The following HNRNPK variants were observed in gnomAD, a reference collection of about 807,000 sequenced individuals.
HNRNPK encodes dC-stretch binding protein.
In HNRNPK, 7 loss-of-function variants were observed where a neutral mutation model predicts 67.0. The observed-to-expected ratio is 0.10, with a 90% CI of 0.06 to 0.20. The LOEUF is 0.20. Among genes scored for constraint, HNRNPK ranks in the 10% least tolerant of loss-of-function variants. The pLI, the probability that HNRNPK is intolerant of heterozygous loss-of-function variation, is 1.00. For missense variants in HNRNPK, 264 were observed against 606.5 expected, an observed-to-expected ratio of 0.44 and a Z score of 5.93; for synonymous variants, 213 against 193.7, an observed-to-expected ratio of 1.10 and a Z score of -0.83.
rs985307814 is a variant in HNRNPK, at chr9:83,970,455, C to T, written c.1192-124G>A. The T allele has an allele frequency of 1.3e-5, 10 of 764,496 alleles. No homozygotes were observed. In the African/African-American group the frequency reaches 1.6e-4, roughly 12 times the overall value. The allele number at this position is 764,496 out of a possible 1,614,324, so 47.4% of individuals were successfully genotyped here. On this transcript the variant is annotated intron_variant, in intron 15 of 16. Transcript: ENST00000376263. ...AATCTTAACTGATGATCTAACGCTCCCTAAACCTGTCAAGGTTTGAGTTAT... is the reference window on the plus strand; with the variant it reads ...AATCTTAACTGATGATCTAACGCTCTCTAAACCTGTCAAGGTTTGAGTTAT...
At chr9:83,975,185 G>A (rs1050201450) in intron 6 of HNRNPK, among the ~76,000 whole-genome samples, 5 of 152,154 alleles carry the variant, frequency 3.3e-5, no homozygotes, top group African/African-American at 9.7e-5. Flanking sequence ...AAGACAGAGC[G>A]AGAGACTATT....
intron 3 of HNRNPK, 55 bp from the exon 4 acceptor site, chr9:83,977,841 C>A: frequency 9.1e-7 from 1 of 1,095,384 alleles, no homozygotes; most frequent in Admixed American, 1.8e-5. Flanking sequence ...CAAAGTAACT[C>A]CATTCTGTTT....
At chr9:83,977,305 T>C (rs1957113866) in intron 4 of HNRNPK, among the ~76,000 whole-genome samples, 1 of 152,160 alleles carries the variant, frequency 6.6e-6, no homozygotes, top group African/African-American at 2.4e-5. Flanking sequence ...TAAGCACAGA[T>C]TTTATAGCAC....
Position 83,974,736 on chromosome 9 carries a change from T to C in HNRNPK, c.258-147A>G, listed in dbSNP as rs918071479. 10 of 603,318 alleles carry C rather than the reference T, an allele frequency of 1.7e-5. No individual in the cohort carries two copies. The South Asian group carries it at 2.1e-4, about 13-fold the overall frequency. 37.4% of individuals were successfully genotyped at this position (603,318 alleles called of 1,614,324 possible). ...CCATTTAAAGTAGCCTATTTATAGATTTCTCACATGCATTTTGTTTTATAC... is the reference window on the plus strand; with the variant it reads ...CCATTTAAAGTAGCCTATTTATAGACTTCTCACATGCATTTTGTTTTATAC... On this transcript the variant is annotated intron_variant, in intron 6 of 16. Coordinates refer to ENST00000376263, the MANE Select transcript of HNRNPK (RefSeq NM_031263.4).
At chr9:83,970,541 T>C in intron 15 of HNRNPK, 196 bp downstream of exon 15, 1 of 640,064 alleles carries the variant, frequency 1.6e-6, no homozygotes, top group South Asian at 2.1e-5. Flanking sequence ...CAAAACCTAC[T>C]TAACTACTTT....
At chr9:83,977,219 ATAATTC>A (rs1171346909) in intron 4 of HNRNPK, among the ~76,000 whole-genome samples, 168 bp from the exon 5 acceptor site, 1 of 152,256 alleles carries the variant, frequency 6.6e-6, no homozygotes. Context: ...AAATCAAAAT[ATAATTC>A]TAAGTGCTGT....
intron 1 of HNRNPK, among the ~76,000 whole-genome samples, chr9:83,978,905 T>C (rs1957207375): frequency 6.6e-6 from 1 of 152,192 alleles, no homozygotes. Flanking sequence ...CAACGGCAAT[T>C]GCGAACACAT....
chr9:83,971,567 CT>C (rs1461352538), intron 12 of HNRNPK, 104 bp downstream of exon 12: 1 of 972,818 alleles, frequency 1.0e-6, no homozygotes, highest in African/African-American at 1.6e-5. Flanking sequence ...ACAAAATTTA[CT>C]TGTAAGAAAA....
chr9:83,977,766 T>A lies in HNRNPK; in HGVS notation c.79A>T (p.Met27Leu). The A allele has an allele frequency of 6.2e-7, 1 of 1,607,252 alleles. No individual in the cohort carries two copies. Among genetic ancestry groups the A allele is most frequent in the Non-Finnish European group, 8.5e-7 (1 of 1,174,470 alleles). ...CTTTTAAATGCTTGTTCCTCTTCCATATCTTCTGCAGGGCGTTTACCTAAA... is the reference window on the plus strand; with the variant it reads ...CTTTTAAATGCTTGTTCCTCTTCCAAATCTTCTGCAGGGCGTTTACCTAAA... ...GEFGKRPAED[M>L]EEEQAFKRSR... Residue 27 changes from methionine to leucine, a missense_variant, in exon 4 of 17, where the codon ATG becomes TTG. Met to Leu is a conservative substitution (Grantham distance 15). Coordinates refer to ENST00000376263, the MANE Select transcript of HNRNPK (RefSeq NM_031263.4).
At chr9:83,977,627 C>G in intron 4 of HNRNPK, 62 bp downstream of exon 4, 1 of 978,184 alleles carries the variant, frequency 1.0e-6, no homozygotes. Context: ...GAAAGCCAAA[C>G]CAGACCTTAA....
chr9:83,977,716 A>G lies in HNRNPK; in HGVS notation c.129T>C (p.Val43=). 6.2e-7 allele frequency: 1 copy of G among 1,605,872 alleles called. No homozygotes were observed. The highest frequency in any genetic ancestry group is 8.5e-7 in the Non-Finnish European group (1 of 1,173,968). Residue 43 remains valine, a synonymous_variant, in exon 4 of 17, where the codon GTT becomes GTC. Transcript: ENST00000376263. The part of the protein sequence containing the change: ...FKRSRNTDEM[V]ELRILLQSKN... ...TGCTCTGAAGCAGAATGCGTAATTC[A>G]ACCATCTCATCAGTGTTTCTAGATC...
chr9:83,969,824 C>T (rs1956744081), intron 16 of HNRNPK: 1 of 612,068 alleles, frequency 1.6e-6, no homozygotes, highest in Non-Finnish European at 3.2e-6. Flanking sequence ...AACAAAATCA[C>T]TAGTCTTCCA....
chr9:83,969,995 G>T (rs978919689), intron 16 of HNRNPK, 167 bp downstream of exon 16: 5 of 648,660 alleles, frequency 7.7e-6, no homozygotes, highest in Non-Finnish European at 1.4e-5. Flanking sequence ...TTCATTTTTA[G>T]TAAGAAAGCA....
Position 83,968,209 on chromosome 9 carries a change from T to C in HNRNPK, c.*1198A>G, listed in dbSNP as rs1956665366. 6.6e-6 allele frequency: 1 copy of C among 152,526 alleles called. No individual in the cohort carries two copies. The highest frequency in any genetic ancestry group is 1.5e-5 in the Non-Finnish European group (1 of 68,014). The allele number at this position is 152,526 out of a possible 1,614,324, so 9.4% of individuals were successfully genotyped here. On this transcript the variant is annotated 3_prime_UTR_variant, in exon 17 of 17. Coordinates refer to ENST00000376263, the MANE Select transcript of HNRNPK (RefSeq NM_031263.4). The stretch of plus-strand genomic sequence containing the variant: ...CATGGGTGTTTTATTTATTTGGAAG[T>C]GAATTTTAACTATCAATACAAATGC...
In HNRNPK at chr9:83,974,558, T is replaced by C. The variant is rs1393992073; in HGVS notation, c.289A>G (p.Ile97Val). Residue 97 changes from isoleucine to valine, a missense_variant, in exon 7 of 17, where the codon ATT (isoleucine) becomes GTT (valine). Transcript: ENST00000376263. ...ILSISADIET[I>V]GEILKKIIPT... ...ATGATTTTCTTCAGAATTTCTCCAA[T>C]TGTTTCAATATCAGCACTGATACTC... 1 of 1,604,156 alleles carries C rather than the reference T, an allele frequency of 6.2e-7. No individual in the cohort carries two copies. The highest frequency in any genetic ancestry group is 1.7e-5 in the Admixed American group (1 of 59,942).
intron 16 of HNRNPK, 188 bp downstream of exon 16, chr9:83,969,974 T>C: frequency 1.5e-6 from 1 of 649,018 alleles, no homozygotes. Flanking sequence ...GCAAGATTAG[T>C]ATTGAATGTC....
intron 7 of HNRNPK, 83 bp from the exon 8 acceptor site, chr9:83,974,056 A>G (rs531063420): frequency 1.8e-5 from 14 of 789,200 alleles, no homozygotes; most frequent in South Asian, 1.6e-4. Context: ...AGCTACTACA[A>G]CATATTTTAA....
rs1348454503 is a variant in HNRNPK at position 83,977,730 on chromosome 9, T to C, written c.115A>G (p.Thr39Ala). 6.2e-7 allele frequency: 1 copy of C among 1,609,560 alleles called. No individual in the cohort carries two copies. The highest frequency in any genetic ancestry group is 8.5e-7 in the Non-Finnish European group (1 of 1,176,874). ...EEQAFKRSRNTDEMVELRILL... is the reference protein window; with the variant it reads ...EEQAFKRSRNADEMVELRILL... Reference sequence around the variant, plus strand: ...ATGCGTAATTCAACCATCTCATCAGTGTTTCTAGATCTTTTAAATGCTTGT... The same window carrying C: ...ATGCGTAATTCAACCATCTCATCAGCGTTTCTAGATCTTTTAAATGCTTGT... Residue 39 changes from threonine (T) to alanine (A), a missense_variant, in exon 4 of 17, where the codon ACT becomes GCT. By Grantham distance (58) the Thr-to-Ala change is moderately conservative. Around this residue, in one of 6 missense-constraint regions of HNRNPK, gnomAD observed 32 missense variants for 45.6 expected, o/e 0.70. Coordinates refer to ENST00000376263, the MANE Select transcript of HNRNPK (RefSeq NM_031263.4).
chr9:83,971,747 G>A, intron 11 of HNRNPK, 21 bp from the exon 12 acceptor site: 1 of 1,611,492 alleles, frequency 6.2e-7, no homozygotes, highest in Non-Finnish European at 8.5e-7. Flanking sequence ...AGTACTTGTT[G>A]TAATCTAAAC....
Sources: allele counts gnomAD v4.1 joint callset (sites outside exome capture counted in the v4.1 genomes callset), GRCh38; gene constraint gnomAD v4.1.1; regional missense constraint gnomAD v4.1.1; transcripts MANE v1.5; gene names NCBI Gene and HGNC (gene_info 2026-07-23, HGNC 2026-07-21).